Variants in AK9 observed in about 807,000 individuals in gnomAD.
AK9 encodes the protein adenylate kinase domain containing 1.
Under a neutral mutation model 239.6 loss-of-function variants are expected in AK9, and 191 were observed. The observed-to-expected ratio is 0.80, with a 90% CI of 0.71 to 0.90. The LOEUF (loss-of-function observed/expected upper bound fraction) is 0.90, where lower values mean the gene tolerates loss of function less well. Among genes scored for constraint, AK9 ranks in the 40% least tolerant of loss-of-function variants. AK9 has a pLI of 0.00. For synonymous variants in AK9, 689 were observed against 721.0 expected (o/e 0.96, Z 0.71); for missense variants, 1,995 against 2,214.7 (o/e 0.90, Z 1.99).
intron 12 of AK9, among the ~76,000 whole-genome samples, chr6:109,620,261 T>TAC (rs1309676837): frequency 1.3e-5 from 2 of 152,128 alleles, no homozygotes; most frequent in East Asian, 3.9e-4. Context: ...TGAACTATTT[T>TAC]ACATCTCTAC....
At chr6:109,600,296 G>GAA (rs1562475373) in intron 17 of AK9, among the ~76,000 whole-genome samples, 3 of 152,194 alleles carry the variant, frequency 2.0e-5, no homozygotes, top group African/African-American at 7.2e-5. Flanking sequence ...AAGGGCTGTT[G>GAA]AATTTTCTTG....
intron 12 of AK9, among the ~76,000 whole-genome samples, chr6:109,628,301 C>T (rs913735202): frequency 6.6e-6 from 1 of 152,222 alleles, no homozygotes; most frequent in Non-Finnish European, 1.5e-5. Flanking sequence ...CTTGGCCACA[C>T]ACACTTGGGC....
intron 1 of AK9, among the ~76,000 whole-genome samples, chr6:109,676,958 A>C (rs1347270569): frequency 6.6e-6 from 1 of 152,164 alleles, no homozygotes; most frequent in Non-Finnish European, 1.5e-5. Context: ...ATGAAGCTGG[A>C]AGCCATTATC....
intron 27 of AK9, among the ~76,000 whole-genome samples, chr6:109,535,114 T>C (rs1178393075): frequency 6.6e-6 from 1 of 152,236 alleles, no homozygotes; most frequent in Non-Finnish European, 1.5e-5. Flanking sequence ...CCTTTGGGTA[T>C]ATACCCAGTA....
intron 6 of AK9, among the ~76,000 whole-genome samples, chr6:109,661,451 C>A (rs1051288248): frequency 1.7e-4 from 26 of 151,768 alleles, no homozygotes; most frequent in African/African-American, 6.3e-4. Flanking sequence ...CATTTGGGGT[C>A]TTCTGGCCTG....
At chr6:109,501,796 T>C (rs1777630228) in intron 35 of AK9, among the ~76,000 whole-genome samples, 1 of 152,236 alleles carries the variant, frequency 6.6e-6, no homozygotes, top group Non-Finnish European at 1.5e-5. Context: ...CCTGACCATA[T>C]CATTAGGTTC....
At chr6:109,582,559 A>G (rs1278303977) in intron 19 of AK9, among the ~76,000 whole-genome samples, 1 of 152,214 alleles carries the variant, frequency 6.6e-6, no homozygotes, top group Admixed American at 6.5e-5. Flanking sequence ...CTCATGATCA[A>G]ACTTGAACAG....
intron 17 of AK9, among the ~76,000 whole-genome samples, chr6:109,592,446 CTTTTT>C (rs55998817): frequency 7.9e-6 from 1 of 126,756 alleles, no homozygotes. Context: ...AATGGGATTT[CTTTTT>C]TTTTTTTTTT....
intron 17 of AK9, among the ~76,000 whole-genome samples, chr6:109,592,797 T>TG (rs1790463150): frequency 6.6e-6 from 1 of 151,110 alleles, no homozygotes. Flanking sequence ...ATTTTAGGAT[T>TG]TTTTTCCCTT....
At chr6:109,522,902 C>A (rs1437086648) in intron 29 of AK9, among the ~76,000 whole-genome samples, 1 of 152,108 alleles carries the variant, frequency 6.6e-6, no homozygotes. Flanking sequence ...AAGCCTGGAT[C>A]TTGCCCCAAA....
At chr6:109,595,801 T>C (rs1157312367) in intron 17 of AK9, among the ~76,000 whole-genome samples, 1 of 152,118 alleles carries the variant, frequency 6.6e-6, no homozygotes. Flanking sequence ...AGTTGAACTA[T>C]GAGAACACAT....
chr6:109,564,807 T>C lies in AK9; in HGVS notation c.2383A>G (p.Ile795Val). The change falls in exon 22 of 41, where the codon ATC becomes GTC. Residue 795 changes from isoleucine to valine, a missense_variant. Ile to Val is a conservative substitution (Grantham distance 29). Transcript: ENST00000424296. ...PIEETTVETE[I>V]PKGSKEGLEI... Reference sequence around the variant, plus strand: ...AGGCCCTCTTTGGATCCTTTTGGGATTTCTGTTTCCACTGTAGTTTCCTCG... The same window carrying C: ...AGGCCCTCTTTGGATCCTTTTGGGACTTCTGTTTCCACTGTAGTTTCCTCG... The C allele has an allele frequency of 6.5e-7, 1 of 1,546,914 alleles. No homozygotes were observed. The highest frequency in any genetic ancestry group is 8.7e-7 in the Non-Finnish European group (1 of 1,144,786).
chr6:109,605,144 G>T (rs1792666979), intron 17 of AK9, among the ~76,000 whole-genome samples: 1 of 152,070 alleles, frequency 6.6e-6, no homozygotes. Flanking sequence ...AAATCATTAA[G>T]AATGGGTGTG....
intron 5 of AK9, among the ~76,000 whole-genome samples, chr6:109,667,863 A>G (rs1045098415): frequency 6.6e-6 from 1 of 152,144 alleles, no homozygotes; most frequent in African/African-American, 2.4e-5. Context: ...CAATAAGCAT[A>G]TGTGTGCATG....
rs1778153305 is a variant in AK9 at position 109,506,639 on chromosome 6, C to A, written c.4628+15G>T. 1 of 1,532,526 alleles carries A rather than the reference C, an allele frequency of 6.5e-7. No homozygotes were observed. Among genetic ancestry groups the A allele is most frequent in the Non-Finnish European group, 8.8e-7 (1 of 1,134,338 alleles). The allele number at this position is 1,532,526 out of a possible 1,614,324, so 94.9% of individuals were successfully genotyped here. ...AAGTTTATTCCTTTTTTGTTGTCTT[C>A]ATCATGTACATTACCTTTGTTCATT... is the stretch of plus-strand genomic sequence containing the variant. On this transcript the variant is annotated intron_variant, in intron 34 of 40. Transcript: ENST00000424296.
At chr6:109,659,904 T>TC (rs1331275165) in intron 6 of AK9, among the ~76,000 whole-genome samples, 1 of 152,168 alleles carries the variant, frequency 6.6e-6, no homozygotes, top group Non-Finnish European at 1.5e-5. Context: ...ACCTGAAAGA[T>TC]CATCTATTCT....
chr6:109,507,688 C>G (rs1038983030), intron 33 of AK9, among the ~76,000 whole-genome samples: 2 of 152,184 alleles, frequency 1.3e-5, no homozygotes, highest in African/African-American at 2.4e-5. Context: ...TTGGTTTGAC[C>G]TAAGCCACAG....
At chr6:109,612,238 G>A in intron 15 of AK9, 145 bp from the exon 16 acceptor site, 8 of 561,326 alleles carry the variant, frequency 1.4e-5, no homozygotes, top group Middle Eastern at 3.7e-4. Context: ...CATTTAAATG[G>A]GTAAATATAT....
chr6:109,671,515 A>G (rs762034075), intron 5 of AK9, among the ~76,000 whole-genome samples: 9 of 152,238 alleles, frequency 5.9e-5, no homozygotes, highest in Non-Finnish European at 1.2e-4. Context: ...GCTCAACAGT[A>G]AGATAGTGGC....
Sources: gnomAD v4.1 joint callset for allele counts (sites outside exome capture counted in the v4.1 genomes callset) on GRCh38, gnomAD v4.1.1 for gene constraint, MANE v1.5 for transcripts, NCBI Gene and HGNC (gene_info 2026-07-23, HGNC 2026-07-21) for gene names.